Variants in CFAP47 observed in about 807,000 individuals in gnomAD.
The protein encoded by CFAP47 is cilia and flagella associated protein 47.
A neutral mutation model predicts 148.1 loss-of-function variants in CFAP47; 29 were observed. The ratio of observed to expected loss-of-function variants is 0.20; its 90% CI spans 0.15 to 0.27. CFAP47 has a LOEUF of 0.27. Ranked by LOEUF, CFAP47 falls within the 10% of genes least tolerant of loss-of-function variation. The pLI is 1.00. For missense variants in CFAP47, 1,872 were observed against 1,697.5 expected, an observed-to-expected ratio of 1.10 and a Z score of -1.81; for synonymous variants, 664 against 577.3, an observed-to-expected ratio of 1.15 and a Z score of -2.15.
At position 36,213,350 on chromosome X, in the gene CFAP47, TG is replaced by T. The variant is rs782720230; in HGVS notation, c.6817+8242del. On this transcript the variant is annotated intron_variant, in intron 45 of 63. Transcript: ENST00000378653. Reference sequence around the variant, plus strand: ...CTCACTTTTGGTTGTTGTTTGCCAGTGGTCACCAACCCTGGATGTACATCAG... The same window carrying T: ...CTCACTTTTGGTTGTTGTTTGCCAGTGTCACCAACCCTGGATGTACATCAG... Among the ~76,000 whole-genome samples the T allele has an allele frequency of 2.0e-3, 219 of 111,436 alleles. 1 individual carries two copies. The highest frequency in any genetic ancestry group is 6.8e-3 in the African/African-American group (210 of 30,693).
intron 26 of CFAP47, among the ~76,000 whole-genome samples, chrX:36,056,898 G>A (rs1427219875): frequency 8.9e-6 from 1 of 112,120 alleles, no homozygotes; most frequent in Non-Finnish European, 1.9e-5. Context: ...TCCCAGCCTG[G>A]TTGAACAAGT....
intron 62 of CFAP47, among the ~76,000 whole-genome samples, chrX:36,371,592 CAT>C (rs1259372416): frequency 3.5e-5 from 3 of 84,824 alleles, no homozygotes; most frequent in Non-Finnish European, 6.9e-5. Context: ...TATGTGTATA[CAT>C]GTGTGTATAT....
At chrX:36,347,623 C>G (rs1941708963) in intron 57 of CFAP47, among the ~76,000 whole-genome samples, 1 of 111,599 alleles carries the variant, frequency 9.0e-6, no homozygotes, top group African/African-American at 3.3e-5. Context: ...AGTTCATGTC[C>G]TTTGCAGGGA....
chrX:36,200,700 T>G (rs1939970915), intron 43 of CFAP47, among the ~76,000 whole-genome samples: 1 of 111,924 alleles, frequency 8.9e-6, no homozygotes, highest in African/African-American at 3.2e-5. Context: ...TTTTTAAGTC[T>G]TCCTTTTCCA....
At chrX:35,995,168 C>T (rs1461727702) in intron 18 of CFAP47, among the ~76,000 whole-genome samples, 2 of 111,083 alleles carry the variant, frequency 1.8e-5, no homozygotes, top group Non-Finnish European at 3.8e-5. Context: ...TTATTCAAGG[C>T]TAGCATGTGT....
intron 35 of CFAP47, among the ~76,000 whole-genome samples, chrX:36,141,473 T>C (rs1939139081): frequency 9.0e-6 from 1 of 111,181 alleles, no homozygotes; most frequent in Non-Finnish European, 1.9e-5. Flanking sequence ...TCTGTCCACA[T>C]TGAGGGCAGA....
At chrX:36,112,552 T>A (rs893816909) in intron 33 of CFAP47, among the ~76,000 whole-genome samples, 1 of 111,784 alleles carries the variant, frequency 8.9e-6, no homozygotes, top group Non-Finnish European at 1.9e-5. Flanking sequence ...ATGTGTCATG[T>A]GGCAATTAGA....
chrX:36,223,272 C>T (rs1940233139), intron 45 of CFAP47, among the ~76,000 whole-genome samples: 1 of 110,289 alleles, frequency 9.1e-6, no homozygotes, highest in South Asian at 3.8e-4. Context: ...GCGAGAATGG[C>T]CTAAGAGAGC....
intron 50 of CFAP47, among the ~76,000 whole-genome samples, chrX:36,282,298 A>T (rs1327921486): frequency 4.5e-5 from 5 of 111,101 alleles, no homozygotes; most frequent in African/African-American, 1.6e-4. Context: ...TTAAAAGTTA[A>T]ATCCTCATTA....
intron 57 of CFAP47, among the ~76,000 whole-genome samples, chrX:36,324,942 T>TA (rs1344445986): frequency 9.9e-5 from 11 of 111,638 alleles, no homozygotes; most frequent in African/African-American, 3.2e-4. Context: ...AAATAACTTT[T>TA]TATGGGACTG....
At chrX:36,285,846 A>C (rs1251795951) in intron 51 of CFAP47, 120 bp downstream of exon 51, 5 of 506,741 alleles carry the variant, frequency 9.9e-6, no homozygotes, top group Non-Finnish European at 1.6e-5. Flanking sequence ...TATTAAGATA[A>C]ATTAGTCAAT....
chrX:36,225,774 C>T (rs1479754583), intron 45 of CFAP47, among the ~76,000 whole-genome samples: 1 of 111,025 alleles, frequency 9.0e-6, no homozygotes, highest in East Asian at 2.9e-4. Flanking sequence ...GAGTAAGGCC[C>T]TAGAAAGCAT....
chrX:36,384,339 TA>T (rs1942107269), intron 63 of CFAP47, among the ~76,000 whole-genome samples: 1 of 108,004 alleles, frequency 9.3e-6, no homozygotes, highest in Non-Finnish European at 1.9e-5. Flanking sequence ...AGACCCTGTC[TA>T]AAAAATAAAA....
chrX:36,098,017 G>A (rs890045521), intron 30 of CFAP47, among the ~76,000 whole-genome samples: 1 of 110,187 alleles, frequency 9.1e-6, no homozygotes, highest in Non-Finnish European at 1.9e-5. Context: ...TTCTTTTTTT[G>A]TGTCCTCTAT....
chrX:36,025,543 G>A (rs754031629), intron 22 of CFAP47, among the ~76,000 whole-genome samples: 1 of 111,205 alleles, frequency 9.0e-6, no homozygotes. Context: ...CAGGAGGCTG[G>A]GGCGCGAGTA....
chrX:36,284,863 G>T (rs1556004214), intron 50 of CFAP47, among the ~76,000 whole-genome samples: 1 of 111,196 alleles, frequency 9.0e-6, no homozygotes, highest in Non-Finnish European at 1.9e-5. Flanking sequence ...CCATGACCTA[G>T]TTCAACACAG....
intron 57 of CFAP47, among the ~76,000 whole-genome samples, chrX:36,320,624 C>G (rs960414839): frequency 8.9e-6 from 1 of 111,960 alleles, no homozygotes; most frequent in African/African-American, 3.2e-5. Context: ...AGAGTATGAA[C>G]AACAGTTCAC....
intron 60 of CFAP47, among the ~76,000 whole-genome samples, chrX:36,360,644 G>T (rs781906056): frequency 8.9e-6 from 1 of 111,818 alleles, no homozygotes; most frequent in East Asian, 2.8e-4. Context: ...TGTGAGTTGG[G>T]CTCCTTACAT....
intron 51 of CFAP47, among the ~76,000 whole-genome samples, chrX:36,295,098 A>G (rs1471090089): frequency 8.9e-6 from 1 of 112,160 alleles, no homozygotes; most frequent in African/African-American, 3.2e-5. Flanking sequence ...CCAGCCAGAA[A>G]AAATATTGGG....
Sources: gnomAD v4.1 joint callset for allele counts (sites outside exome capture counted in the v4.1 genomes callset) on GRCh38, gnomAD v4.1.1 for gene constraint, MANE v1.5 for transcripts, NCBI Gene and HGNC (gene_info 2026-07-23, HGNC 2026-07-21) for gene names.